Variants in DPP10 observed in about 807,000 individuals in gnomAD.
DPP10 encodes the protein inactive dipeptidyl peptidase 10.
DPP10 carries 33 observed loss-of-function variants against 120.9 expected under a neutral mutation model. That is an observed-to-expected ratio of 0.27 (90% CI 0.21 to 0.37). DPP10 has a LOEUF of 0.37. Ranked by LOEUF, DPP10 falls within the 10% of genes least tolerant of loss-of-function variation. The pLI is 1.00. For synonymous variants in DPP10, 337 were observed against 326.1 expected, an observed-to-expected ratio of 1.03 and a Z score of -0.36; for missense variants, 816 against 942.8, an observed-to-expected ratio of 0.87 and a Z score of 1.76.
At chr2:115,810,162 G>GAA (rs199538342) in intron 19 of DPP10, among the ~76,000 whole-genome samples, 2 of 128,684 alleles carry the variant, frequency 1.6e-5, no homozygotes, top group African/African-American at 5.7e-5. Context: ...ACTCCATCTC[G>GAA]AAAAAAAAAA....
chr2:114,452,385 C>T (rs1207748701), intron 1 of DPP10, among the ~76,000 whole-genome samples: 1 of 152,054 alleles, frequency 6.6e-6, no homozygotes, highest in Non-Finnish European at 1.5e-5. Flanking sequence ...CTTGATGGCT[C>T]ACACCATTTT....
chr2:114,624,978 A>G (rs1694405123), intron 1 of DPP10, among the ~76,000 whole-genome samples: 1 of 151,974 alleles, frequency 6.6e-6, no homozygotes, highest in Non-Finnish European at 1.5e-5. Flanking sequence ...TGCATCTCCA[A>G]GAGATAATGA....
chr2:114,446,625 G>A (rs1677959492), intron 1 of DPP10, among the ~76,000 whole-genome samples: 1 of 152,090 alleles, frequency 6.6e-6, no homozygotes, highest in Non-Finnish European at 1.5e-5. Context: ...AAAAGTTCTA[G>A]TTACTTCCTA....
chr2:115,236,233 T>A (rs1357644299), intron 1 of DPP10, among the ~76,000 whole-genome samples: 2 of 152,240 alleles, frequency 1.3e-5, no homozygotes, highest in African/African-American at 2.4e-5. Flanking sequence ...AAAATTTTTT[T>A]AAAAAGATTT....
intron 1 of DPP10, among the ~76,000 whole-genome samples, chr2:114,885,827 A>C (rs1041299624): frequency 6.6e-6 from 1 of 152,224 alleles, no homozygotes; most frequent in African/African-American, 2.4e-5. Context: ...GTTGCAATCC[A>C]AGTTCTTCCA....
chr2:114,754,562 C>G (rs771531295), intron 1 of DPP10, among the ~76,000 whole-genome samples: 21 of 152,138 alleles, frequency 1.4e-4, no homozygotes, highest in Non-Finnish European at 2.6e-4. Flanking sequence ...TTCAAATCAC[C>G]TGGGAGCATT....
intron 1 of DPP10, among the ~76,000 whole-genome samples, chr2:114,986,957 T>A (rs1024505609): frequency 6.6e-6 from 1 of 151,994 alleles, no homozygotes; most frequent in East Asian, 1.9e-4. Context: ...TATTATTATT[T>A]TTAGTAAAGA....
chr2:115,133,495 A>C (rs181045992), intron 1 of DPP10, among the ~76,000 whole-genome samples: 1 of 152,064 alleles, frequency 6.6e-6, no homozygotes, highest in African/African-American at 2.4e-5. Flanking sequence ...CATGTTCTCA[A>C]TAGAGAAAAA....
chr2:114,486,423 T>C (rs1431835124), intron 1 of DPP10, among the ~76,000 whole-genome samples: 2 of 152,202 alleles, frequency 1.3e-5, no homozygotes, highest in Non-Finnish European at 2.9e-5. Context: ...TTTTTAATAA[T>C]ATTTTAATAA....
At chr2:115,611,510 T>C (rs1164640440) in intron 5 of DPP10, among the ~76,000 whole-genome samples, 2 of 152,172 alleles carry the variant, frequency 1.3e-5, no homozygotes, top group African/African-American at 2.4e-5. Context: ...CAAATACAAG[T>C]TGACCTATTG....
chr2:115,633,632 G>C (rs1049666730), intron 5 of DPP10, among the ~76,000 whole-genome samples: 2 of 152,026 alleles, frequency 1.3e-5, no homozygotes, highest in African/African-American at 4.8e-5. Flanking sequence ...TGGAATATAG[G>C]GTTTCTGCTG....
At chr2:115,319,265 G>A (rs1390376030) in intron 2 of DPP10, among the ~76,000 whole-genome samples, 2 of 151,970 alleles carry the variant, frequency 1.3e-5, no homozygotes, top group East Asian at 3.9e-4. Context: ...TGATGTATAA[G>A]CCTCTTCATA....
intron 3 of DPP10, among the ~76,000 whole-genome samples, chr2:115,480,915 C>A (rs1253394126): frequency 6.6e-6 from 1 of 152,122 alleles, no homozygotes; most frequent in East Asian, 1.9e-4. Context: ...TCTTGTGTTT[C>A]TTTAGGTCCA....
At chr2:115,526,076 T>C in intron 5 of DPP10, 104 bp downstream of exon 5, 1 of 828,104 alleles carries the variant, frequency 1.2e-6, no homozygotes, top group Non-Finnish European at 1.9e-6. Flanking sequence ...ATCTGGCATG[T>C]CTAGTAACTA....
rs1553443771 is a variant in DPP10, at chr2:114,455,156, T to TG, written c.60+12318_60+12319insG. Among the ~76,000 whole-genome samples, 277 of 147,490 alleles carry TG rather than the reference T, an allele frequency of 1.9e-3. 1 individual carries two copies. The Middle Eastern group carries it at 0.021, about 11-fold the overall frequency. On this transcript the variant is annotated intron_variant, in intron 1 of 25. Transcript: ENST00000410059. The stretch of plus-strand genomic sequence containing the variant: ...GTTTTTTCAAGGGATTTTCTTTCTA[T>TG]TGTGTGTGTGTGTGTGTGTGTGTGT...
At chr2:115,794,484 A>C (rs1345196967) in intron 19 of DPP10, among the ~76,000 whole-genome samples, 1 of 152,206 alleles carries the variant, frequency 6.6e-6, no homozygotes, top group Non-Finnish European at 1.5e-5. Context: ...TTTAAAATGT[A>C]AGTGAATCAA....
chr2:115,525,877 G>T, intron 4 of DPP10, 21 bp from the exon 5 acceptor site: 1 of 1,561,994 alleles, frequency 6.4e-7, no homozygotes, highest in Non-Finnish European at 8.6e-7. Flanking sequence ...AAATATAACT[G>T]GTTTTTTTTT....
At chr2:114,936,956 C>A (rs565190663) in intron 1 of DPP10, among the ~76,000 whole-genome samples, 1 of 152,194 alleles carries the variant, frequency 6.6e-6, no homozygotes, top group South Asian at 2.1e-4. Flanking sequence ...TTTCTTCTTG[C>A]TGATTTGTTT....
chr2:115,838,900 A>G (rs1340628590), intron 24 of DPP10, among the ~76,000 whole-genome samples: 1 of 152,172 alleles, frequency 6.6e-6, no homozygotes, highest in African/African-American at 2.4e-5. Context: ...TACTATTAAT[A>G]TTATCTTCAA....
Sources: gnomAD v4.1 joint callset for allele counts (sites outside exome capture counted in the v4.1 genomes callset) on GRCh38, gnomAD v4.1.1 for gene constraint, MANE v1.5 for transcripts, NCBI Gene and HGNC (gene_info 2026-07-23, HGNC 2026-07-21) for gene names.